Variants in DHDDS observed in about 807,000 individuals in gnomAD.
The protein encoded by DHDDS is dehydrodolichyl diphosphate synthase subunit, also known as dehydrodolichyl diphosphate synthase complex subunit DHDDS.
A neutral mutation model predicts 46.2 loss-of-function variants in DHDDS; 16 were observed. The observed-to-expected ratio is 0.35, with a 90% CI of 0.23 to 0.53. The LOEUF (loss-of-function observed/expected upper bound fraction) is 0.53. Among genes scored for constraint, DHDDS ranks in the 20% least tolerant of loss-of-function variants. The pLI is 0.94. For missense variants in DHDDS, 340 were observed against 423.7 expected (o/e 0.80, Z 1.73); for synonymous variants, 151 against 163.1 (o/e 0.93, Z 0.56).
rs1247240049 is a variant in DHDDS, at chr1:26,441,360, A to G, written c.181-1371A>G. On this transcript the variant is annotated intron_variant, in intron 3 of 8. Coordinates refer to ENST00000236342, the MANE Select transcript of DHDDS (RefSeq NM_205861.3). ...AATACAGGTGTGCGCCACCGCACCC[A>G]GCTAAGTTTCTGTATTTTTAGTAGA... 3.3e-5 allele frequency among the ~76,000 whole-genome samples: 5 copies of G among 151,784 alleles called. No individual in the cohort carries two copies. The East Asian group carries it at 5.9e-4, about 18-fold the overall frequency.
At chr1:26,443,296 G>A (rs1321411196) in intron 4 of DHDDS, among the ~76,000 whole-genome samples, 1 of 152,108 alleles carries the variant, frequency 6.6e-6, no homozygotes, top group Non-Finnish European at 1.5e-5. Context: ...CTACCCCAGA[G>A]CCAATAAACT....
Position 26,469,088 on chromosome 1 carries a change from A to T in DHDDS, c.959A>T (p.Lys320Met). The part of the protein sequence containing the change: ...VQGFLQALEL[K>M]RADWLARLGT... ...GGCTTCCTGCAGGCCTTGGAACTCA[A>T]GCGAGCTGACTGGCTGGCCCGTCTG... Residue 320 changes from lysine to methionine, a missense_variant, in exon 9 of 9, where the codon AAG becomes ATG. Lys to Met is a moderately conservative substitution (Grantham distance 95). Coordinates refer to ENST00000236342, the MANE Select transcript of DHDDS (RefSeq NM_205861.3). 6.2e-7 allele frequency: 1 copy of T among 1,613,244 alleles called. No individual in the cohort carries two copies. The highest frequency in any genetic ancestry group is 1.3e-5 in the African/African-American group (1 of 75,036).
At chr1:26,462,401 C>G (rs1043025297) in intron 8 of DHDDS, among the ~76,000 whole-genome samples, 1 of 152,118 alleles carries the variant, frequency 6.6e-6, no homozygotes, top group Non-Finnish European at 1.5e-5. Flanking sequence ...AGGGGTAGGG[C>G]TGTTTGCTCT....
chr1:26,456,097 G>A (rs1188720177), intron 6 of DHDDS, among the ~76,000 whole-genome samples: 1 of 152,140 alleles, frequency 6.6e-6, no homozygotes, highest in African/African-American at 2.4e-5. Flanking sequence ...CTCTGTGCTT[G>A]GGAAAGTAGC....
chr1:26,468,803 C>A, intron 8 of DHDDS, 92 bp from the exon 9 acceptor site: 1 of 1,292,366 alleles, frequency 7.7e-7, no homozygotes, highest in Middle Eastern at 2.8e-4. Context: ...TCACTTGGCC[C>A]ACCCTGTGCC....
At chr1:26,467,903 C>T (rs1046023772) in intron 8 of DHDDS, among the ~76,000 whole-genome samples, 2 of 152,196 alleles carry the variant, frequency 1.3e-5, no homozygotes, top group Non-Finnish European at 2.9e-5. Context: ...AGGGATTTTC[C>T]GCTCTTCTGT....
intron 8 of DHDDS, among the ~76,000 whole-genome samples, chr1:26,465,206 T>C (rs1418435096): frequency 2.0e-5 from 3 of 152,148 alleles, no homozygotes; most frequent in Non-Finnish European, 4.4e-5. Flanking sequence ...CCAAGGATGA[T>C]ATTAGAGAGG....
intron 3 of DHDDS, among the ~76,000 whole-genome samples, chr1:26,439,255 G>GGT (rs1394201888): frequency 6.6e-6 from 1 of 152,050 alleles, no homozygotes; most frequent in Non-Finnish European, 1.5e-5. Context: ...CATTTTTTAA[G>GGT]GTGTATATAT....
In DHDDS at chr1:26,432,858, G is replaced by A. The variant is rs957123671; in HGVS notation, c.-55-33G>A. ...CAGTTATAGCTCTTCGCAAACCTTG[G>A]TGACTTCTTATTTTCTTTCTTGTTT... On this transcript the variant is annotated intron_variant, in intron 1 of 8. Transcript: ENST00000236342. 4 of 1,451,058 alleles carry A rather than the reference G, an allele frequency of 2.8e-6. No individual in the cohort carries two copies. The South Asian group carries it at 3.4e-5, about 13-fold the overall frequency. The allele number at this position is 1,451,058 out of a possible 1,614,324, so 89.9% of individuals were successfully genotyped here.
rs770824761 is a variant in DHDDS, at chr1:26,446,353, C to T, written c.361C>T (p.Leu121=). ...LQKHGVCIRV[L]GDLHLLPLDL... Reference sequence around the variant, plus strand: ...GAAGCATGGGGTGTGTATCCGGGTCCTGGGCGATCTGCACTTGTTGCCCTT... The same window carrying T: ...GAAGCATGGGGTGTGTATCCGGGTCTTGGGCGATCTGCACTTGTTGCCCTT... The change falls in exon 5 of 9, where the codon CTG becomes TTG. Residue 121 remains leucine (L), a synonymous_variant. Transcript: ENST00000236342. 5 of 1,613,916 alleles carry T rather than the reference C, an allele frequency of 3.1e-6. No individual in the cohort carries two copies. Among genetic ancestry groups the T allele is most frequent in the Non-Finnish European group, 2.5e-6 (3 of 1,179,956 alleles).
chr1:26,459,835 C>G (rs2075404778), intron 7 of DHDDS, among the ~76,000 whole-genome samples: 1 of 152,212 alleles, frequency 6.6e-6, no homozygotes, highest in Admixed American at 6.5e-5. Flanking sequence ...GGCAGGTGAT[C>G]TGGCTGCCTC....
At chr1:26,443,417 G>T (rs1490892275) in intron 4 of DHDDS, among the ~76,000 whole-genome samples, 4 of 152,194 alleles carry the variant, frequency 2.6e-5, no homozygotes. Context: ...GGAGGGATAG[G>T]ATGATGCATA....
At chr1:26,434,622 A>C (rs2075134929) in intron 2 of DHDDS, among the ~76,000 whole-genome samples, 1 of 152,106 alleles carries the variant, frequency 6.6e-6, no homozygotes, top group Non-Finnish European at 1.5e-5. Context: ...AGACAACTCA[A>C]AGCTGCTCCA....
In DHDDS at chr1:26,468,995, G is replaced by T. The variant is rs1193686226; in HGVS notation, c.866G>T (p.Ser289Ile). ...EQLLREGLQASGDAQLRRTRL... is the reference protein window; with the variant it reads ...EQLLREGLQAIGDAQLRRTRL... ...CTGCTGCGAGAGGGGCTCCAAGCCA[G>T]TGGGGACGCCCAGCTCCGAAGGACA... is the stretch of plus-strand genomic sequence containing the variant. Residue 289 changes from serine to isoleucine, a missense_variant, in exon 9 of 9, where the codon AGT becomes ATT. Coordinates refer to ENST00000236342, the MANE Select transcript of DHDDS (RefSeq NM_205861.3). The T allele has an allele frequency of 2.5e-6, 4 of 1,614,192 alleles. No homozygotes were observed. The Middle Eastern group carries it at 5.0e-4, about 201-fold the overall frequency.
At chr1:26,446,563 A>G (rs2075270939) in intron 5 of DHDDS, 131 bp downstream of exon 5, 1 of 809,606 alleles carries the variant, frequency 1.2e-6, no homozygotes, top group Non-Finnish European at 2.1e-6. Flanking sequence ...TGAGCAGCTT[A>G]GAGACTTTCT....
intron 3 of DHDDS, among the ~76,000 whole-genome samples, chr1:26,441,839 T>C (rs2075221864): frequency 1.3e-5 from 2 of 149,128 alleles, no homozygotes; most frequent in Non-Finnish European, 3.0e-5. Context: ...GAGGTTGTAG[T>C]GAGCCAAGAT....
intron 8 of DHDDS, among the ~76,000 whole-genome samples, chr1:26,462,307 C>T (rs2075432021): frequency 6.6e-6 from 1 of 152,104 alleles, no homozygotes; most frequent in Non-Finnish European, 1.5e-5. Context: ...AGACATGAGC[C>T]ACCATGCCTG....
intron 8 of DHDDS, 80 bp from the exon 9 acceptor site, chr1:26,468,815 C>CCCCCCCA: frequency 7.1e-7 from 1 of 1,418,270 alleles, no homozygotes; most frequent in Non-Finnish European, 9.7e-7. Context: ...CCCTGTGCCC[C>CCCCCCCA]ACCCCCTACC....
intron 4 of DHDDS, 40 bp from the exon 5 acceptor site, chr1:26,446,276 C>T (rs752212590): frequency 2.5e-6 from 4 of 1,596,540 alleles, no homozygotes; most frequent in Non-Finnish European, 3.4e-6. Flanking sequence ...TCCAGCTCAG[C>T]AGGGGCCCTA....
Sources: allele counts gnomAD v4.1 joint callset (sites outside exome capture counted in the v4.1 genomes callset), GRCh38; gene constraint gnomAD v4.1.1; transcripts MANE v1.5; gene names NCBI Gene and HGNC (gene_info 2026-07-23, HGNC 2026-07-21).